The following TYR variants were observed in gnomAD, a reference collection of about 807,000 sequenced individuals.
TYR encodes the protein LB24-AB.
TYR carries 58 observed loss-of-function variants against 51.5 expected under a neutral mutation model. The observed-to-expected ratio is 1.13, with a 90% CI of 0.91 to 1.40. The LOEUF (loss-of-function observed/expected upper bound fraction) is 1.40. Among genes scored for constraint, TYR ranks in the 40% most tolerant of loss-of-function variants. TYR has a pLI of 0.00. For synonymous variants in TYR, 263 were observed against 235.2 expected, an observed-to-expected ratio of 1.12 and a Z score of -1.08; for missense variants, 732 against 647.4, an observed-to-expected ratio of 1.13 and a Z score of -1.42.
At chr11:89,203,532 A>G (rs1221924209) in intron 2 of TYR, among the ~76,000 whole-genome samples, 1 of 152,202 alleles carries the variant, frequency 6.6e-6, no homozygotes, top group African/African-American at 2.4e-5. Context: ...AAGTAGGTAC[A>G]CTTTTCTCTA....
chr11:89,195,451 G>T (rs1464008592), intron 2 of TYR, among the ~76,000 whole-genome samples: 1 of 152,130 alleles, frequency 6.6e-6, no homozygotes, highest in Non-Finnish European at 1.5e-5. Flanking sequence ...GTCCAAGGCA[G>T]GTGGATCACC....
intron 3 of TYR, among the ~76,000 whole-genome samples, chr11:89,274,833 A>G (rs1381937979): frequency 6.6e-6 from 1 of 151,708 alleles, no homozygotes; most frequent in Non-Finnish European, 1.5e-5. Flanking sequence ...AACAAGATAT[A>G]TTGTACGGCT....
intron 3 of TYR, among the ~76,000 whole-genome samples, chr11:89,269,400 C>G (rs1343995499): frequency 6.6e-6 from 1 of 151,886 alleles, no homozygotes; most frequent in East Asian, 2.0e-4. Context: ...TGCAGTGTAT[C>G]TCAATCCTGG....
At chr11:89,202,675 T>C (rs1943614174) in intron 2 of TYR, among the ~76,000 whole-genome samples, 2 of 140,460 alleles carry the variant, frequency 1.4e-5, no homozygotes, top group Non-Finnish European at 3.1e-5. Flanking sequence ...CTAGGAAACT[T>C]TAATTTTAGT....
At chr11:89,265,255 A>G (rs1040527975) in intron 3 of TYR, among the ~76,000 whole-genome samples, 4 of 152,024 alleles carry the variant, frequency 2.6e-5, no homozygotes, top group African/African-American at 9.7e-5. Context: ...ATAAGTGGGT[A>G]GGGGAAAGCC....
At chr11:89,219,085 C>T (rs34661861) in intron 2 of TYR, among the ~76,000 whole-genome samples, 32,980 of 151,952 alleles carry the variant, frequency 0.22, 5,174 homozygotes, top group African/African-American at 0.45. Context: ...TACTTAGAAC[C>T]ATCCTTTTAT....
At chr11:89,267,358 T>C (rs1944538087) in intron 3 of TYR, among the ~76,000 whole-genome samples, 3 of 151,960 alleles carry the variant, frequency 2.0e-5, no homozygotes, top group Admixed American at 1.3e-4. Context: ...TGACTGAAGA[T>C]ATAAAAATCA....
At chr11:89,262,711 A>C (rs972024463) in intron 3 of TYR, among the ~76,000 whole-genome samples, 3 of 147,944 alleles carry the variant, frequency 2.0e-5, no homozygotes, top group African/African-American at 7.5e-5. Context: ...TACTATAAAC[A>C]ATTGTATGGC....
At chr11:89,255,238 A>T (rs1174929127) in intron 3 of TYR, among the ~76,000 whole-genome samples, 1 of 151,542 alleles carries the variant, frequency 6.6e-6, no homozygotes, top group Non-Finnish European at 1.5e-5. Flanking sequence ...CCATCATATG[A>T]TCTATCTTGG....
intron 3 of TYR, among the ~76,000 whole-genome samples, chr11:89,266,847 T>G (rs575783447): frequency 2.0e-5 from 3 of 152,052 alleles, no homozygotes; most frequent in Non-Finnish European, 4.4e-5. Flanking sequence ...AAGATTATCA[T>G]GTAGATTATT....
At chr11:89,247,075 G>A (rs1490388242) in intron 3 of TYR, among the ~76,000 whole-genome samples, 1 of 152,144 alleles carries the variant, frequency 6.6e-6, no homozygotes, top group Non-Finnish European at 1.5e-5. Context: ...CAGAATTAAT[G>A]CCCTAGAACA....
rs142311720 is a variant in TYR at position 89,238,126 on chromosome 11, C to T, written c.1184+10156C>T. On this transcript the variant is annotated intron_variant, in intron 3 of 4. Coordinates refer to ENST00000263321, the MANE Select transcript of TYR (RefSeq NM_000372.5). The stretch of plus-strand genomic sequence containing the variant: ...CTGGGATTACAGTCTTGAGCCACTG[C>T]TCCCAGCCAATTCTTCCAATTTTTG... Among the ~76,000 whole-genome samples the T allele has an allele frequency of 4.0e-3, 604 of 152,232 alleles. 5 individuals are homozygous for T. Among genetic ancestry groups the T allele is most frequent in the African/African-American group, 0.014 (577 of 41,548 alleles).
intron 3 of TYR, among the ~76,000 whole-genome samples, chr11:89,242,777 C>T (rs1944216287): frequency 6.6e-6 from 1 of 152,112 alleles, no homozygotes; most frequent in Non-Finnish European, 1.5e-5. Context: ...TTCTTCATCA[C>T]TAAAATGGGA....
At chr11:89,266,843 A>G (rs1944531485) in intron 3 of TYR, among the ~76,000 whole-genome samples, 1 of 151,960 alleles carries the variant, frequency 6.6e-6, no homozygotes, top group Admixed American at 6.6e-5. Flanking sequence ...CATGAAGATT[A>G]TCATGTAGAT....
At chr11:89,180,494 C>G (rs1023308500) in intron 1 of TYR, among the ~76,000 whole-genome samples, 4 of 151,620 alleles carry the variant, frequency 2.6e-5, no homozygotes, top group Admixed American at 2.0e-4. Context: ...TATTAATTGT[C>G]AAGCAGAACT....
intron 2 of TYR, among the ~76,000 whole-genome samples, chr11:89,213,806 A>C (rs1943794866): frequency 6.6e-6 from 1 of 152,200 alleles, no homozygotes; most frequent in Non-Finnish European, 1.5e-5. Context: ...CAAACAACAG[A>C]TCTTTCACAA....
intron 1 of TYR, among the ~76,000 whole-genome samples, chr11:89,181,729 A>G (rs1407244316): frequency 6.6e-6 from 1 of 152,282 alleles, no homozygotes; most frequent in Admixed American, 6.5e-5. Context: ...TTATTAAAAA[A>G]CTATAGAAAA....
intron 3 of TYR, among the ~76,000 whole-genome samples, chr11:89,279,584 T>A (rs767969664): frequency 6.6e-5 from 10 of 151,752 alleles, no homozygotes; most frequent in Non-Finnish European, 1.3e-4. Flanking sequence ...GTCTCCCATG[T>A]CATATAAAAC....
intron 2 of TYR, among the ~76,000 whole-genome samples, chr11:89,217,564 A>G (rs1363893386): frequency 6.6e-6 from 1 of 152,210 alleles, no homozygotes; most frequent in Non-Finnish European, 1.5e-5. Context: ...ACAGGGCCAC[A>G]TATAAATGTG....
Sources: allele counts gnomAD v4.1 joint callset (sites outside exome capture counted in the v4.1 genomes callset), GRCh38; gene constraint gnomAD v4.1.1; transcripts MANE v1.5; gene names NCBI Gene and HGNC (gene_info 2026-07-23, HGNC 2026-07-21).